Variants in TESPA1 observed in about 807,000 individuals in gnomAD.
TESPA1 encodes thymocyte expressed, positive selection associated 1.
In TESPA1, 33 loss-of-function variants were observed where a neutral mutation model predicts 57.9. That is an observed-to-expected ratio of 0.57 (90% CI 0.43 to 0.76). TESPA1 has a LOEUF of 0.76. Among genes scored for constraint, TESPA1 ranks in the 30% least tolerant of loss-of-function variants. TESPA1 has a pLI of 0.00. For synonymous variants in TESPA1, 227 were observed against 228.9 expected, an observed-to-expected ratio of 0.99 and a Z score of 0.07; for missense variants, 618 against 632.9, an observed-to-expected ratio of 0.98 and a Z score of 0.25.
intron 7 of TESPA1, among the ~76,000 whole-genome samples, chr12:54,964,985 T>A (rs527452335): frequency 7.9e-5 from 12 of 152,356 alleles, no homozygotes; most frequent in African/African-American, 2.9e-4. Context: ...AATTTGGTCA[T>A]GTGACAAAAT....
At chr12:54,970,587 C>T (rs1371255573) in intron 3 of TESPA1, among the ~76,000 whole-genome samples, 2 of 152,146 alleles carry the variant, frequency 1.3e-5, no homozygotes, top group African/African-American at 2.4e-5. Context: ...TCTCACCGAG[C>T]ACAATGATTT....
chr12:54,949,675 A>G lies in TESPA1; in HGVS notation c.*717T>C, dbSNP rs575120649. On this transcript the variant is annotated 3_prime_UTR_variant, in exon 11 of 11. Coordinates refer to ENST00000449076, the MANE Select transcript of TESPA1 (RefSeq NM_001136030.3). ...ATTGTTTTCTGCCAACAGAAATAGC[A>G]TTTTTTCCCCCCACAATGGCTAGGA... The G allele has an allele frequency of 1.3e-5, 2 of 152,548 alleles. No individual in the cohort carries two copies. The highest frequency in any genetic ancestry group is 3.9e-4 in the East Asian group (2 of 5,180). 9.4% of individuals were successfully genotyped at this position (152,548 alleles called of 1,614,324 possible).
intron 10 of TESPA1, among the ~76,000 whole-genome samples, chr12:54,956,257 A>G (rs1040034630): frequency 2.5e-4 from 38 of 152,222 alleles, no homozygotes; most frequent in African/African-American, 8.7e-4. Flanking sequence ...GAGCATTCCC[A>G]CCTAGTCCCT....
intron 10 of TESPA1, among the ~76,000 whole-genome samples, chr12:54,955,359 G>T (rs1181557498): frequency 1.3e-5 from 2 of 152,192 alleles, no homozygotes; most frequent in African/African-American, 4.8e-5. Context: ...AATTATCAAG[G>T]AGGGTAGCAC....
chr12:54,983,202 G>T (rs911098188), intron 1 of TESPA1, among the ~76,000 whole-genome samples: 3 of 152,144 alleles, frequency 2.0e-5, no homozygotes, highest in African/African-American at 4.8e-5. Context: ...GAATCGCAGG[G>T]TTCCATCTTA....
chr12:54,956,946 C>T (rs1378990525), intron 10 of TESPA1, among the ~76,000 whole-genome samples: 1 of 152,056 alleles, frequency 6.6e-6, no homozygotes, highest in African/African-American at 2.4e-5. Flanking sequence ...GACATTAATC[C>T]ATTTACGAGG....
intron 3 of TESPA1, among the ~76,000 whole-genome samples, chr12:54,972,637 A>G (rs1951903971): frequency 6.6e-6 from 1 of 152,188 alleles, no homozygotes; most frequent in African/African-American, 2.4e-5. Flanking sequence ...AAACAACAAA[A>G]CAAACACAAA....
intron 10 of TESPA1, among the ~76,000 whole-genome samples, chr12:54,955,867 C>T (rs1484187683): frequency 1.3e-5 from 2 of 152,140 alleles, no homozygotes; most frequent in East Asian, 1.9e-4. Flanking sequence ...TTCACAATTT[C>T]TTGATGTCCT....
intron 1 of TESPA1, among the ~76,000 whole-genome samples, chr12:54,981,544 C>T (rs903742292): frequency 2.0e-5 from 3 of 151,346 alleles, no homozygotes; most frequent in African/African-American, 7.3e-5. Flanking sequence ...ACATTGTGCA[C>T]GTGTACCCTA....
intron 10 of TESPA1, among the ~76,000 whole-genome samples, chr12:54,952,356 T>C (rs1036189794): frequency 6.6e-6 from 1 of 152,232 alleles, no homozygotes; most frequent in African/African-American, 2.4e-5. Context: ...GACATGAACC[T>C]CTTTATCACA....
intron 10 of TESPA1, among the ~76,000 whole-genome samples, chr12:54,955,148 T>C (rs564121785): frequency 6.6e-6 from 1 of 152,374 alleles, no homozygotes; most frequent in Non-Finnish European, 1.5e-5. Context: ...AATATTTCAT[T>C]GTGATTTTGA....
intron 1 of TESPA1, among the ~76,000 whole-genome samples, chr12:54,983,284 G>A (rs1336912077): frequency 6.6e-6 from 1 of 152,024 alleles, no homozygotes; most frequent in Non-Finnish European, 1.5e-5. Flanking sequence ...AACACCCTGG[G>A]GTGCATGCGA....
Position 54,949,384 on chromosome 12 carries a change from T to G in TESPA1, c.*1008A>C, listed in dbSNP as rs1480369149. 8.1e-5 allele frequency: 1 copy of G among 12,376 alleles called. No homozygotes were observed. The highest frequency in any genetic ancestry group is 2.1e-4 in the Non-Finnish European group (1 of 4,732). 0.8% of individuals were successfully genotyped at this position (12,376 alleles called of 1,614,324 possible). On this transcript the variant is annotated 3_prime_UTR_variant, in exon 11 of 11. Transcript: ENST00000449076. ...CCTCAAGTCCCTCTCTTCCTGTTTT[T>G]TTTTTTTTTTTCTTTTGTCTCACAA... is the stretch of plus-strand genomic sequence containing the variant.
chr12:54,969,021 G>GTGTGTGTATATATATATATATATA lies in TESPA1; in HGVS notation c.207-1130_207-1129insTATATATATATATATATACACACA, dbSNP rs370590552. 1.5e-3 allele frequency among the ~76,000 whole-genome samples: 125 copies of GTGTGTGTATATATATATATATATA among 83,566 alleles called. 1 individual carries two copies. The East Asian group carries it at 0.023, about 15-fold the overall frequency. The allele number at this position is 83,566 out of a possible 152,430, so 54.8% of individuals were successfully genotyped here. ...AATAAGTCACTACATATTTATATAT[G>GTGTGTGTATATATATATATATATA]TATATATATATATATATATATATAT... is the stretch of plus-strand genomic sequence containing the variant. On this transcript the variant is annotated intron_variant, in intron 3 of 10. Coordinates refer to ENST00000449076, the MANE Select transcript of TESPA1 (RefSeq NM_001136030.3).
chr12:54,983,748 G>A (rs1255026413), intron 1 of TESPA1, among the ~76,000 whole-genome samples: 1 of 152,174 alleles, frequency 6.6e-6, no homozygotes, highest in Non-Finnish European at 1.5e-5. Context: ...GAAGGGGCAT[G>A]GGAAAACCCC....
intron 9 of TESPA1, 33 bp from the exon 10 acceptor site, chr12:54,961,300 G>T (rs1167567143): frequency 6.2e-7 from 1 of 1,612,758 alleles, no homozygotes; most frequent in Non-Finnish European, 8.5e-7. Context: ...CTCAGCCAGA[G>T]CCAAGGGGGA....
At chr12:54,970,554 T>G (rs1374515266) in intron 3 of TESPA1, among the ~76,000 whole-genome samples, 2 of 152,166 alleles carry the variant, frequency 1.3e-5, no homozygotes. Context: ...AGTGTGGACA[T>G]GGGCCTGGAG....
chr12:54,966,273 A>G lies in TESPA1; in HGVS notation c.347+115T>C, dbSNP rs990706521. ...AGTCTATGCAGTGCTTGTTCGTTGG[A>G]AAGTCTCACTCTCTAATGTGAATCT... is the stretch of plus-strand genomic sequence containing the variant. On this transcript the variant is annotated intron_variant, in intron 6 of 10. Transcript: ENST00000449076. The G allele has an allele frequency of 2.1e-5, 34 of 1,583,684 alleles. No homozygotes were observed. The Middle Eastern group carries it at 5.0e-4, about 23-fold the overall frequency.
At position 54,963,187 on chromosome 12, in the gene TESPA1, G is replaced by C. The variant is rs759536808; in HGVS notation, c.711C>G (p.Leu237=). 3.1e-6 allele frequency: 5 copies of C among 1,613,736 alleles called. No individual in the cohort carries two copies. Among genetic ancestry groups the C allele is most frequent in the Non-Finnish European group, 3.4e-6 (4 of 1,179,864 alleles). Residue 237 remains leucine (L), a synonymous_variant, in exon 9 of 11, where the codon CTC becomes CTG. Transcript: ENST00000449076. ...LAVTADAFFC[L]YSYVSKTPVQ... ...CAGGTGTCTTAGACACATAGGAGTA[G>C]AGACAGAAGAAGGCATCAGCAGTGA...
Sources: allele counts gnomAD v4.1 joint callset (sites outside exome capture counted in the v4.1 genomes callset), GRCh38; gene constraint gnomAD v4.1.1; transcripts MANE v1.5; gene names NCBI Gene and HGNC (gene_info 2026-07-23, HGNC 2026-07-21).